The following KCNH1 variants were observed in gnomAD, a reference collection of about 807,000 sequenced individuals.
KCNH1 encodes the protein voltage-gated delayed rectifier potassium channel KCNH1.
A neutral mutation model predicts 69.2 loss-of-function variants in KCNH1; 27 were observed. The observed-to-expected ratio is 0.39, with a 90% CI of 0.29 to 0.54. The LOEUF (loss-of-function observed/expected upper bound fraction) is 0.54, where lower values mean the gene tolerates loss of function less well. Ranked by LOEUF, KCNH1 falls within the 20% of genes least tolerant of loss-of-function variation. The pLI is 0.68. For missense variants in KCNH1, 798 were observed against 1,261.6 expected, an observed-to-expected ratio of 0.63 and a Z score of 5.57; for synonymous variants, 456 against 487.7, an observed-to-expected ratio of 0.93 and a Z score of 0.86.
intron 5 of KCNH1, among the ~76,000 whole-genome samples, chr1:211,060,599 G>A (rs1690418438): frequency 6.6e-6 from 1 of 151,200 alleles, no homozygotes; most frequent in Non-Finnish European, 1.5e-5. Context: ...AAAAAAGAAA[G>A]AAGACTCAAA....
intron 3 of KCNH1, among the ~76,000 whole-genome samples, chr1:211,093,089 T>G (rs1446554545): frequency 6.6e-6 from 1 of 152,030 alleles, no homozygotes. Flanking sequence ...AACCCTCCCC[T>G]CCCAGCTGCA....
At chr1:210,801,568 A>C (rs1031357849) in intron 8 of KCNH1, among the ~76,000 whole-genome samples, 3 of 152,232 alleles carry the variant, frequency 2.0e-5, no homozygotes, top group African/African-American at 7.2e-5. Context: ...GGAGAGGAAG[A>C]GAGGGCAAAT....
rs572280051 is a variant in KCNH1 at position 210,871,414 on chromosome 1, G to C, written c.1462+48226C>G. On this transcript the variant is annotated intron_variant, in intron 7 of 10. Transcript: ENST00000271751. ...AAGTCAGGAAACAACAACTGCTGGAGAGGATGTGGAGAAATAGGAACACTT... is the reference window on the plus strand; with the variant it reads ...AAGTCAGGAAACAACAACTGCTGGACAGGATGTGGAGAAATAGGAACACTT... Among the ~76,000 whole-genome samples, 146 of 152,342 alleles carry C rather than the reference G, an allele frequency of 9.6e-4. 1 individual carries two copies. Among genetic ancestry groups the C allele is most frequent in the South Asian group, 1.7e-3 (8 of 4,830 alleles).
chr1:211,010,223 G>T (rs1160695112), intron 6 of KCNH1, among the ~76,000 whole-genome samples: 3 of 152,160 alleles, frequency 2.0e-5, no homozygotes, highest in African/African-American at 7.2e-5. Flanking sequence ...AGGAACAGGA[G>T]TTGGGGGAAT....
At chr1:210,701,216 C>T (rs533652574) in intron 10 of KCNH1, among the ~76,000 whole-genome samples, 325 of 152,294 alleles carry the variant, frequency 2.1e-3, no homozygotes, top group African/African-American at 7.7e-3. Flanking sequence ...GGATTACAGG[C>T]GTGAGCCACC....
chr1:210,730,699 T>C (rs533390172), intron 10 of KCNH1, among the ~76,000 whole-genome samples: 43 of 152,154 alleles, frequency 2.8e-4, no homozygotes, highest in Non-Finnish European at 5.0e-4. Flanking sequence ...CAAAAGTGAA[T>C]GTAAGCAGTC....
chr1:210,844,508 A>C (rs1397771766), intron 7 of KCNH1, among the ~76,000 whole-genome samples: 1 of 152,248 alleles, frequency 6.6e-6, no homozygotes, highest in African/African-American at 2.4e-5. Flanking sequence ...AGACAGAAAT[A>C]AGGATGTTCT....
intron 7 of KCNH1, among the ~76,000 whole-genome samples, chr1:210,844,990 A>C (rs923226589): frequency 2.6e-5 from 4 of 152,208 alleles, no homozygotes; most frequent in Non-Finnish European, 5.9e-5. Flanking sequence ...GAAATGGATA[A>C]ATTCCTCGAC....
chr1:210,907,151 C>T (rs572680609), intron 7 of KCNH1, among the ~76,000 whole-genome samples: 1 of 152,148 alleles, frequency 6.6e-6, no homozygotes, highest in East Asian at 1.9e-4. Flanking sequence ...TGCAAAAAGG[C>T]TGAAACTTAC....
At chr1:210,954,033 G>T (rs1031637119) in intron 6 of KCNH1, among the ~76,000 whole-genome samples, 1 of 152,126 alleles carries the variant, frequency 6.6e-6, no homozygotes, top group Non-Finnish European at 1.5e-5. Context: ...TTCTCCAAAT[G>T]CTATCTCTCC....
At chr1:210,801,192 CAT>C (rs1374139656) in intron 8 of KCNH1, among the ~76,000 whole-genome samples, 1 of 152,202 alleles carries the variant, frequency 6.6e-6, no homozygotes, top group Non-Finnish European at 1.5e-5. Context: ...GAGCTACAGA[CAT>C]AAAAACAGGC....
chr1:211,087,251 G>A (rs562370880), intron 4 of KCNH1, among the ~76,000 whole-genome samples: 1 of 152,074 alleles, frequency 6.6e-6, no homozygotes, highest in East Asian at 1.9e-4. Flanking sequence ...GTCTGTATTT[G>A]GCTCAAGTTT....
At chr1:211,034,485 T>G (rs1320260506) in intron 5 of KCNH1, among the ~76,000 whole-genome samples, 1 of 152,134 alleles carries the variant, frequency 6.6e-6, no homozygotes, top group Non-Finnish European at 1.5e-5. Flanking sequence ...CTTATGGTGA[T>G]GAAAATATTC....
At chr1:210,904,376 C>T (rs928240703) in intron 7 of KCNH1, among the ~76,000 whole-genome samples, 11 of 152,032 alleles carry the variant, frequency 7.2e-5, no homozygotes, top group African/African-American at 2.7e-4. Context: ...CCCACCCCCA[C>T]CACTCCAGGG....
chr1:210,775,857 C>T (rs568721657), intron 9 of KCNH1, among the ~76,000 whole-genome samples: 1 of 152,274 alleles, frequency 6.6e-6, no homozygotes, highest in South Asian at 2.1e-4. Flanking sequence ...TATCACACCC[C>T]CTTTTTCCCC....
At chr1:211,031,103 T>C (rs1017517010) in intron 5 of KCNH1, among the ~76,000 whole-genome samples, 1 of 152,092 alleles carries the variant, frequency 6.6e-6, no homozygotes, top group Non-Finnish European at 1.5e-5. Flanking sequence ...TTTCAGAGAA[T>C]ATTATAAACA....
Position 211,014,196 on chromosome 1 carries a change from G to A in KCNH1, c.1032+4587C>T, listed in dbSNP as rs1027358727. ...ACACTTCAATAGCAGTAAGCAATAA[G>A]TTTCCTCGGGAGAGTGAATCTGTTT... On this transcript the variant is annotated intron_variant, in intron 6 of 10. Transcript: ENST00000271751. 2.6e-5 allele frequency among the ~76,000 whole-genome samples: 4 copies of A among 152,258 alleles called. No individual in the cohort carries two copies. The East Asian group carries it at 5.8e-4, about 22-fold the overall frequency.
intron 7 of KCNH1, among the ~76,000 whole-genome samples, chr1:210,870,554 G>A (rs1418172182): frequency 6.6e-6 from 1 of 152,238 alleles, no homozygotes; most frequent in Admixed American, 6.5e-5. Context: ...AACAGCTTCA[G>A]CCTCTGTTAA....
At chr1:210,957,481 A>C (rs185671324) in intron 6 of KCNH1, among the ~76,000 whole-genome samples, 1 of 151,888 alleles carries the variant, frequency 6.6e-6, no homozygotes, top group African/African-American at 2.4e-5. Context: ...TTAACCTTCT[A>C]TCTCCTTGAT....
Sources: allele counts gnomAD v4.1 joint callset (sites outside exome capture counted in the v4.1 genomes callset), GRCh38; gene constraint gnomAD v4.1.1; transcripts MANE v1.5; gene names NCBI Gene and HGNC (gene_info 2026-07-23, HGNC 2026-07-21).